LDHC: variants seen among roughly 807,000 people sequenced by gnomAD.
LDHC encodes the protein L-lactate dehydrogenase C chain.
In LDHC, 20 loss-of-function variants were observed where a neutral mutation model predicts 30.2. The ratio of observed to expected loss-of-function variants is 0.66; its 90% CI spans 0.47 to 0.96. LDHC has a LOEUF of 0.96. LDHC is among the 40% of genes least tolerant of loss of function. The pLI is 0.00. For synonymous variants in LDHC, 139 were observed against 132.7 expected (o/e 1.05, Z -0.32); for missense variants, 362 against 394.9 (o/e 0.92, Z 0.71).
chr11:18,436,166 G>A (rs1280826382), intron 5 of LDHC, among the ~76,000 whole-genome samples: 4 of 152,026 alleles, frequency 2.6e-5, no homozygotes, highest in Non-Finnish European at 4.4e-5. Flanking sequence ...GTTGGCTTGT[G>A]TTATTTTTCC....
At chr11:18,432,934 T>C (rs958379849) in intron 4 of LDHC, among the ~76,000 whole-genome samples, 4 of 152,222 alleles carry the variant, frequency 2.6e-5, no homozygotes, top group Non-Finnish European at 5.9e-5. Flanking sequence ...AAGTGGAGCA[T>C]TTAGGCCATT....
At chr11:18,422,828 C>T (rs748849162) in intron 3 of LDHC, among the ~76,000 whole-genome samples, 3 of 151,380 alleles carry the variant, frequency 2.0e-5, no homozygotes, top group Non-Finnish European at 4.4e-5. Flanking sequence ...ACCAAAAATA[C>T]AAAAATTAGC....
intron 3 of LDHC, 74 bp from the exon 4 acceptor site, chr11:18,429,663 T>TA: frequency 1.3e-6 from 1 of 792,444 alleles, no homozygotes; most frequent in South Asian, 2.0e-5. Flanking sequence ...GAACATACAA[T>TA]AGAGTTTTAA....
chr11:18,417,804 A>G (rs757080709), intron 3 of LDHC, among the ~76,000 whole-genome samples: 6 of 152,196 alleles, frequency 3.9e-5, no homozygotes, highest in Non-Finnish European at 7.3e-5. Flanking sequence ...AGAGAAAAAG[A>G]GATTAACAAT....
chr11:18,424,042 A>G (rs1310851209), intron 3 of LDHC, among the ~76,000 whole-genome samples: 1 of 151,912 alleles, frequency 6.6e-6, no homozygotes, highest in African/African-American at 2.4e-5. Context: ...GATGTGGAAC[A>G]ATAAGTGCTC....
chr11:18,444,604 G>GTATATGTATATATATATA (rs1848519311), intron 6 of LDHC, among the ~76,000 whole-genome samples: 1 of 89,308 alleles, frequency 1.1e-5, no homozygotes. Context: ...TGTTCAGGTG[G>GTATATGTATATATATATA]TATATATATA....
chr11:18,419,765 A>T (rs898354545), intron 3 of LDHC, among the ~76,000 whole-genome samples: 1 of 152,152 alleles, frequency 6.6e-6, no homozygotes, highest in Non-Finnish European at 1.5e-5. Flanking sequence ...TAAAAACATT[A>T]AAAAAGGAAC....
In LDHC at chr11:18,449,428, TAAAAAAAAAAAAAA is replaced by T. The variant is rs557136321; in HGVS notation, c.835-1515_835-1502del. On this transcript the variant is annotated intron_variant, in intron 7 of 7. Coordinates refer to ENST00000541669, the MANE Select transcript of LDHC (RefSeq NM_017448.5). ...GGTGACACAGCGAGACACTGTCTCC[TAAAAAAAAAAAAAA>T]AAAAAAAAAAAAAAAAAAAGAGGAT... Among the ~76,000 whole-genome samples, 46 of 48,452 alleles carry T rather than the reference TAAAAAAAAAAAAAA, an allele frequency of 9.5e-4. 1 individual carries two copies. Among genetic ancestry groups the T allele is most frequent in the African/African-American group, 2.6e-3 (31 of 12,008 alleles). The allele number at this position is 48,452 out of a possible 152,430, so 31.8% of individuals were successfully genotyped here.
intron 2 of LDHC, 115 bp from the exon 3 acceptor site, chr11:18,415,066 CATT>C: frequency 1.8e-6 from 1 of 561,198 alleles, no homozygotes; most frequent in Non-Finnish European, 3.2e-6. Flanking sequence ...ATTTTTATAT[CATT>C]TTTCCCTATT....
intron 3 of LDHC, among the ~76,000 whole-genome samples, chr11:18,425,624 A>T (rs1848148521): frequency 1.3e-5 from 2 of 152,174 alleles, no homozygotes; most frequent in Admixed American, 6.6e-5. Context: ...TATATGAAAT[A>T]TTTCACAATA....
intron 2 of LDHC, among the ~76,000 whole-genome samples, chr11:18,413,906 G>A (rs921096896): frequency 1.3e-5 from 2 of 152,240 alleles, no homozygotes; most frequent in Non-Finnish European, 2.9e-5. Context: ...AGCAGAAAAA[G>A]ACGAAATATT....
intron 6 of LDHC, among the ~76,000 whole-genome samples, chr11:18,445,705 T>G (rs1342105853): frequency 1.3e-5 from 2 of 152,168 alleles, no homozygotes; most frequent in African/African-American, 2.4e-5. Flanking sequence ...GCACGGTGGC[T>G]CACACCTATA....
chr11:18,450,870 T>C, intron 7 of LDHC, 93 bp from the exon 8 acceptor site: 1 of 897,594 alleles, frequency 1.1e-6, no homozygotes, highest in Non-Finnish European at 1.7e-6. Context: ...TTGAATGCTT[T>C]AGTCTCTCCT....
intron 6 of LDHC, among the ~76,000 whole-genome samples, chr11:18,438,917 G>A (rs1041392590): frequency 1.1e-4 from 16 of 152,186 alleles, no homozygotes; most frequent in Non-Finnish European, 2.1e-4. Context: ...GTCCAGGTTT[G>A]AAACCTGCTT....
intron 5 of LDHC, 123 bp from the exon 6 acceptor site, chr11:18,438,405 T>G: frequency 4.7e-6 from 3 of 644,232 alleles, no homozygotes; most frequent in Non-Finnish European, 5.7e-6. Context: ...CAACATGAGA[T>G]TTGGAGGAGA....
chr11:18,447,329 G>C (rs913149271), intron 7 of LDHC, among the ~76,000 whole-genome samples: 1 of 151,936 alleles, frequency 6.6e-6, no homozygotes. Flanking sequence ...TAGAGACAGG[G>C]TTTCACTGTG....
Position 18,412,985 on chromosome 11 carries a change from C to CCCTT in LDHC, c.126+163_126+166dup, listed in dbSNP as rs201993031. 494 of 356,416 alleles carry CCCTT rather than the reference C, an allele frequency of 1.4e-3. 5 individuals carry two copies. The highest frequency in any genetic ancestry group is 0.012 in the African/African-American group (378 of 32,558). The allele number at this position is 356,416 out of a possible 1,614,324, so 22.1% of individuals were successfully genotyped here. A position where few individuals can be genotyped will look rare whatever the true frequency, so the allele number is the denominator to read the frequency against. ...ACCTTTCCTCCCTCCCTCCCTCCCT[C>CCCTT]CCTTCCTTCCTTCCTTCCTTCCTTT... On this transcript the variant is annotated intron_variant, in intron 2 of 7. Coordinates refer to ENST00000541669, the MANE Select transcript of LDHC (RefSeq NM_017448.5).
intron 5 of LDHC, among the ~76,000 whole-genome samples, chr11:18,435,657 A>G (rs911946982): frequency 1.3e-5 from 2 of 152,202 alleles, no homozygotes; most frequent in East Asian, 3.8e-4. Context: ...TTCAACCAGC[A>G]AATTACAGAA....
intron 6 of LDHC, among the ~76,000 whole-genome samples, chr11:18,443,991 T>C (rs949165339): frequency 7.9e-5 from 12 of 152,208 alleles, no homozygotes; most frequent in African/African-American, 2.9e-4. Context: ...CTAATATTTA[T>C]CTAAAAACTA....
Sources: allele counts gnomAD v4.1 joint callset (sites outside exome capture counted in the v4.1 genomes callset), GRCh38; gene constraint gnomAD v4.1.1; transcripts MANE v1.5; gene names NCBI Gene and HGNC (gene_info 2026-07-23, HGNC 2026-07-21).